The following DNAH14 variants were observed in gnomAD, a reference collection of about 807,000 sequenced individuals.
DNAH14 encodes dynein axonemal heavy chain 14, also known as axonemal beta dynein heavy chain 14.
A neutral mutation model predicts 520.9 loss-of-function variants in DNAH14; 478 were observed. That is an observed-to-expected ratio of 0.92 (90% CI 0.85 to 0.99). The LOEUF (loss-of-function observed/expected upper bound fraction) is 0.99. Ranked by LOEUF, DNAH14 falls within the 50% of genes least tolerant of loss-of-function variation. DNAH14 has a pLI of 0.00. For missense variants in DNAH14, 4,831 were observed against 5,234.5 expected (o/e 0.92, Z 2.38); for synonymous variants, 1,581 against 1,757.2 (o/e 0.90, Z 2.51).
At chr1:225,211,287 T>C (rs2088370978) in intron 41 of DNAH14, among the ~76,000 whole-genome samples, 2 of 152,120 alleles carry the variant, frequency 1.3e-5, no homozygotes. Flanking sequence ...ATAAGTAGAC[T>C]AACCAGTTTA....
intron 46 of DNAH14, among the ~76,000 whole-genome samples, chr1:225,261,756 A>G (rs1167221331): frequency 2.6e-5 from 4 of 152,070 alleles, no homozygotes; most frequent in African/African-American, 4.8e-5. Context: ...TTCAGCATAA[A>G]CCATCCAATT....
chr1:224,983,788 C>T (rs1442690216), intron 8 of DNAH14, among the ~76,000 whole-genome samples: 2 of 152,082 alleles, frequency 1.3e-5, no homozygotes, highest in African/African-American at 4.8e-5. Context: ...AGAACTCAAC[C>T]CCTTTTACAA....
At chr1:225,105,911 G>A (rs2076003593) in intron 23 of DNAH14, among the ~76,000 whole-genome samples, 1 of 150,292 alleles carries the variant, frequency 6.7e-6, no homozygotes, top group African/African-American at 2.5e-5. Context: ...CGTTATGTGT[G>A]AATTCAATTC....
chr1:225,228,405 A>G (rs2090760108), intron 41 of DNAH14, among the ~76,000 whole-genome samples: 1 of 152,106 alleles, frequency 6.6e-6, no homozygotes. Flanking sequence ...TATCTGTGTC[A>G]CCTCTCTATC....
At chr1:225,190,697 T>C (rs2085309412) in intron 37 of DNAH14, among the ~76,000 whole-genome samples, 1 of 151,946 alleles carries the variant, frequency 6.6e-6, no homozygotes, top group African/African-American at 2.4e-5. Context: ...ACATTAGAGG[T>C]GTGTGTATGC....
chr1:225,109,639 A>G (rs1404222143), intron 23 of DNAH14, among the ~76,000 whole-genome samples: 1 of 152,112 alleles, frequency 6.6e-6, no homozygotes, highest in African/African-American at 2.4e-5. Flanking sequence ...ATAAGATCAT[A>G]TCATCTGCAA....
chr1:225,177,298 T>A (rs1243062943), intron 36 of DNAH14, among the ~76,000 whole-genome samples: 1 of 152,178 alleles, frequency 6.6e-6, no homozygotes, highest in African/African-American at 2.4e-5. Flanking sequence ...AAGAGGTGAT[T>A]TGGGTGCTGT....
intron 36 of DNAH14, among the ~76,000 whole-genome samples, chr1:225,177,426 G>T (rs1413408992): frequency 6.6e-6 from 1 of 152,304 alleles, no homozygotes; most frequent in Non-Finnish European, 1.5e-5. Flanking sequence ...GCCAGCTGCA[G>T]AAATTTGCAT....
Position 225,331,585 on chromosome 1 carries a change from T to C in DNAH14, c.9864+8T>C, listed in dbSNP as rs1208521428. 2.6e-6 allele frequency: 4 copies of C among 1,551,216 alleles called. No individual in the cohort carries two copies. The highest frequency in any genetic ancestry group is 3.5e-6 in the Non-Finnish European group (4 of 1,146,798). On this transcript the variant is annotated splice_region_variant and intron_variant, in intron 65 of 85. Transcript: ENST00000682510. ...GTCCTGGAAGATGAGAAGGCATGAC[T>C]TACTTTGGTCTTATATCTCGTCCAT...
Position 224,952,701 on chromosome 1 carries a change from A to G in DNAH14, c.-2A>G, listed in dbSNP as rs760412751. 1 of 1,579,028 alleles carries G rather than the reference A, an allele frequency of 6.3e-7. No homozygotes were observed. The highest frequency in any genetic ancestry group is 8.6e-7 in the Non-Finnish European group (1 of 1,167,408). On this transcript the variant is annotated 5_prime_UTR_variant, in exon 2 of 86. Coordinates refer to ENST00000682510, the MANE Select transcript of DNAH14 (RefSeq NM_001367479.1). ...CCTTTATAGTTTTGTTCAGAAAAACATATGGAGACGTTTATACCCATTGAT... is the reference window on the plus strand; with the variant it reads ...CCTTTATAGTTTTGTTCAGAAAAACGTATGGAGACGTTTATACCCATTGAT...
intron 10 of DNAH14, 45 bp from the exon 11 acceptor site, chr1:225,023,567 TAAC>T (rs1402591657): frequency 7.0e-6 from 10 of 1,431,896 alleles, no homozygotes; most frequent in Non-Finnish European, 7.4e-6. Flanking sequence ...CATGCTATAT[TAAC>T]AAAGAAAATC....
At chr1:225,070,361 C>T (rs1302400855) in intron 17 of DNAH14, among the ~76,000 whole-genome samples, 1 of 152,140 alleles carries the variant, frequency 6.6e-6, no homozygotes, top group African/African-American at 2.4e-5. Flanking sequence ...AAATTTTCCT[C>T]TTAATACTGC....
chr1:225,185,506 T>C (rs1228522764), intron 37 of DNAH14, 81 bp downstream of exon 37: 1 of 1,353,104 alleles, frequency 7.4e-7, no homozygotes, highest in Non-Finnish European at 9.7e-7. Flanking sequence ...TCTCTTTATA[T>C]TGGTATTTTC....
chr1:225,194,097 G>A (rs529164794), intron 38 of DNAH14, among the ~76,000 whole-genome samples: 3 of 152,134 alleles, frequency 2.0e-5, no homozygotes, highest in African/African-American at 7.2e-5. Flanking sequence ...TGGAAGATTC[G>A]ATACTGTTAA....
At chr1:225,166,962 C>T (rs780623501) in intron 35 of DNAH14, among the ~76,000 whole-genome samples, 1 of 152,194 alleles carries the variant, frequency 6.6e-6, no homozygotes, top group Non-Finnish European at 1.5e-5. Context: ...TATCCCAACC[C>T]TACGATCTGT....
chr1:225,207,041 CAGG>C lies in DNAH14; in HGVS notation c.6263_6265del (p.Gly2088del), dbSNP rs1336459133. ...AAAACTTCTAAAATTATAAGTCAAT[CAGG>C]AGTGGATTGTCTTGAATTCATGATT... On this transcript the variant is annotated inframe_deletion, in exon 41 of 86. Transcript: ENST00000682510. 61 of 1,548,932 alleles carry C rather than the reference CAGG, an allele frequency of 3.9e-5. No homozygotes were observed. Among genetic ancestry groups the C allele is most frequent in the Non-Finnish European group, 5.0e-5 (57 of 1,145,910 alleles).
chr1:225,189,282 A>G (rs987587871), intron 37 of DNAH14, among the ~76,000 whole-genome samples: 2 of 151,472 alleles, frequency 1.3e-5, no homozygotes, highest in East Asian at 3.9e-4. Flanking sequence ...CTTTTTGAGG[A>G]TTTTTGCATA....
At chr1:225,178,299 C>T (rs548188855) in intron 36 of DNAH14, among the ~76,000 whole-genome samples, 4 of 152,222 alleles carry the variant, frequency 2.6e-5, no homozygotes, top group South Asian at 2.1e-4. Flanking sequence ...CACATAGCTG[C>T]GGTGGCCTCA....
chr1:225,270,160 A>G (rs1574421718), intron 49 of DNAH14, among the ~76,000 whole-genome samples: 3 of 152,182 alleles, frequency 2.0e-5, no homozygotes, highest in Admixed American at 2.0e-4. Context: ...GGATGAGCTC[A>G]TGTCCTTTGT....
Sources: gnomAD v4.1 joint callset for allele counts (sites outside exome capture counted in the v4.1 genomes callset) on GRCh38, gnomAD v4.1.1 for gene constraint, MANE v1.5 for transcripts, NCBI Gene and HGNC (gene_info 2026-07-23, HGNC 2026-07-21) for gene names.